Variants in DNAJC6 observed in about 807,000 individuals in gnomAD.
DNAJC6 encodes the protein DnaJ heat shock protein family (Hsp40) member C6, also known as auxilin.
A neutral mutation model predicts 110.0 loss-of-function variants in DNAJC6; 34 were observed. The observed-to-expected ratio is 0.31, with a 90% confidence interval of 0.24 to 0.41. The LOEUF (loss-of-function observed/expected upper bound fraction) is 0.41. Among genes scored for constraint, DNAJC6 ranks in the 10% least tolerant of loss-of-function variants. The probability of loss-of-function intolerance (pLI) is 1.00; values close to 1 mark genes in which losing one functional copy is unlikely to be tolerated. For missense variants in DNAJC6, 1,031 were observed against 1,207.8 expected (o/e 0.85, Z 2.17); for synonymous variants, 406 against 437.2 (o/e 0.93, Z 0.89).
intron 1 of DNAJC6, among the ~76,000 whole-genome samples, chr1:65,341,673 A>G (rs1211067685): frequency 1.3e-5 from 2 of 152,072 alleles, no homozygotes; most frequent in Non-Finnish European, 2.9e-5. Context: ...CTTCGGGCTC[A>G]TGCTCTTTCT....
upstream of DNAJC6, among the ~76,000 whole-genome samples, chr1:65,305,226 G>T (rs1353631716): frequency 6.6e-6 from 1 of 152,216 alleles, no homozygotes; most frequent in Non-Finnish European, 1.5e-5. Context: ...TTAGCCAAAT[G>T]AATTCAGATG....
At chr1:65,320,019 C>T (rs187433756) in intron 1 of DNAJC6, among the ~76,000 whole-genome samples, 105 of 152,290 alleles carry the variant, frequency 6.9e-4, no homozygotes, top group African/African-American at 2.3e-3. Context: ...GATATGTGTA[C>T]GCATGTGACT....
Position 65,309,548 on chromosome 1 carries a change from G to C in DNAJC6, c.-198G>C. 9.3e-7 allele frequency: 1 copy of C among 1,072,580 alleles called. No homozygotes were observed. Among genetic ancestry groups the C allele is most frequent in the Non-Finnish European group, 1.1e-6 (1 of 888,860 alleles). The allele number at this position is 1,072,580 out of a possible 1,614,324, so 66.4% of individuals were successfully genotyped here. A position where few individuals can be genotyped will look rare whatever the true frequency, so the allele number is the denominator to read the frequency against. On this transcript the variant is annotated 5_prime_UTR_variant, in exon 1 of 19. Coordinates refer to ENST00000371069, the MANE Select transcript of DNAJC6 (RefSeq NM_001256864.2). ...CTCCCTCCTCCCGGCGCCCCGAGCC[G>C]AGCTCAGCCCAGGGCGGCGGCTTCG...
chr1:65,356,982 G>A (rs759111485), intron 1 of DNAJC6, among the ~76,000 whole-genome samples: 5 of 152,116 alleles, frequency 3.3e-5, no homozygotes, highest in Admixed American at 1.3e-4. Context: ...ATGCCCATAC[G>A]ATCCATTTCT....
intron 1 of DNAJC6, among the ~76,000 whole-genome samples, chr1:65,290,435 G>A (rs1049238803): frequency 4.6e-5 from 7 of 152,078 alleles, no homozygotes; most frequent in Non-Finnish European, 1.0e-4. Context: ...CGTCAATATC[G>A]TGATATTACT....
chr1:65,297,881 G>A (rs905592472), intron 1 of DNAJC6, among the ~76,000 whole-genome samples: 1 of 151,966 alleles, frequency 6.6e-6, no homozygotes, highest in African/African-American at 2.4e-5. Context: ...ACCAGCTGGC[G>A]CCACCCAGAC....
intron 1 of DNAJC6, among the ~76,000 whole-genome samples, chr1:65,291,737 A>G (rs1644876481): frequency 6.6e-6 from 1 of 152,210 alleles, no homozygotes. Flanking sequence ...ATCACCTATC[A>G]TTCATAAAGC....
chr1:65,362,764 C>A (rs930152019), intron 1 of DNAJC6, among the ~76,000 whole-genome samples: 4 of 132,876 alleles, frequency 3.0e-5, no homozygotes, highest in African/African-American at 1.1e-4. Flanking sequence ...CCCTACCTGG[C>A]CACTGTTCAC....
rs752900245 is a variant in DNAJC6 at position 65,366,129 on chromosome 1, A to G, written c.476A>G (p.His159Arg). Residue 159 changes from histidine (H) to arginine (R), a missense_variant, in exon 4 of 19, where the codon CAT becomes CGT. Coordinates refer to ENST00000371069, the MANE Select transcript of DNAJC6 (RefSeq NM_001256864.2). ...ATTCGAAGCTTTTTGGATTCCAGAC[A>G]TCTTGACCACTACACAGTATACAAT... The part of the protein sequence containing the change: ...DDIRSFLDSR[H>R]LDHYTVYNLS... 2 of 1,613,924 alleles carry G rather than the reference A, an allele frequency of 1.2e-6. No homozygotes were observed. Among genetic ancestry groups the G allele is most frequent in the East Asian group, 4.5e-5 (2 of 44,866 alleles).
intron 1 of DNAJC6, among the ~76,000 whole-genome samples, chr1:65,363,140 C>T (rs944650188): frequency 1.3e-5 from 2 of 152,142 alleles, no homozygotes; most frequent in Non-Finnish European, 1.5e-5. Flanking sequence ...GTCATGAGAA[C>T]AGCATGGGGA....
At chr1:65,358,263 A>G (rs1645564281) in intron 1 of DNAJC6, among the ~76,000 whole-genome samples, 1 of 152,008 alleles carries the variant, frequency 6.6e-6, no homozygotes, top group South Asian at 2.1e-4. Flanking sequence ...ACAAACAAAA[A>G]TCACTCATCA....
chr1:65,347,808 C>T (rs1369610354), intron 1 of DNAJC6, among the ~76,000 whole-genome samples: 6 of 152,030 alleles, frequency 3.9e-5, no homozygotes, highest in Middle Eastern at 3.2e-3. Flanking sequence ...CTTCCAGTTC[C>T]AAAATCTCAG....
rs1645865267 is a variant in DNAJC6, at chr1:65,385,723, A to G, written c.812A>G (p.Tyr271Cys). Residue 271 changes from tyrosine (Y) to cysteine (C), a missense_variant, in exon 7 of 19, where the codon TAT becomes TGT. By Grantham distance (194) the Tyr-to-Cys change is radical. Transcript: ENST00000371069. ...LSPSHRRYLG[Y>C]MCDLLADKPY... ...ACCTTCTGTTTCAGATACCTGGGCT[A>G]TATGTGTGACCTACTGGCAGACAAG... 1 of 1,607,994 alleles carries G rather than the reference A, an allele frequency of 6.2e-7. No homozygotes were observed. The highest frequency in any genetic ancestry group is 1.3e-5 in the African/African-American group (1 of 74,866).
intron 4 of DNAJC6, among the ~76,000 whole-genome samples, chr1:65,373,144 C>A (rs1415326686): frequency 2.6e-5 from 4 of 152,180 alleles, no homozygotes; most frequent in Middle Eastern, 3.4e-3. Context: ...GGATTTCATT[C>A]TTTTTTATGT....
At chr1:65,412,848 T>C in intron 18 of DNAJC6, 76 bp from the exon 19 acceptor site, 1 of 1,190,106 alleles carries the variant, frequency 8.4e-7, no homozygotes, top group Non-Finnish European at 1.2e-6. Flanking sequence ...AGAGCCCATA[T>C]ATTGGCAGTG....
At chr1:65,286,980 C>T (rs1438081816) in intron 1 of DNAJC6, among the ~76,000 whole-genome samples, 1 of 152,154 alleles carries the variant, frequency 6.6e-6, no homozygotes, top group Non-Finnish European at 1.5e-5. Context: ...GCTGTTTTGC[C>T]TCTCTAGATA....
At chr1:65,269,215 G>C (rs893317010) in intron 1 of DNAJC6, among the ~76,000 whole-genome samples, 2 of 151,842 alleles carry the variant, frequency 1.3e-5, no homozygotes, top group Admixed American at 1.3e-4. Context: ...TAAAAATACA[G>C]AAATGAGCCG....
intron 5 of DNAJC6, among the ~76,000 whole-genome samples, chr1:65,380,562 G>C (rs1645807707): frequency 6.6e-6 from 1 of 152,192 alleles, no homozygotes; most frequent in African/African-American, 2.4e-5. Flanking sequence ...CCAAGGCACA[G>C]CAGATGGTGT....
chr1:65,398,919 TGC>T, intron 14 of DNAJC6, 38 bp downstream of exon 14: 1 of 1,604,222 alleles, frequency 6.2e-7, no homozygotes. Context: ...TTTATATAAT[TGC>T]AAAAGCATAA....
Sources: allele counts gnomAD v4.1 joint callset (sites outside exome capture counted in the v4.1 genomes callset), GRCh38; gene constraint gnomAD v4.1.1; transcripts MANE v1.5; gene names NCBI Gene and HGNC (gene_info 2026-07-23, HGNC 2026-07-21).